DDX59: variants seen among roughly 807,000 people sequenced by gnomAD.
The protein encoded by DDX59 is probable ATP-dependent RNA helicase DDX59.
Under a neutral mutation model 51.9 loss-of-function variants are expected in DDX59, and 30 were observed. The observed-to-expected ratio is 0.58, with a 90% CI of 0.43 to 0.78. The LOEUF is 0.78. Among genes scored for constraint, DDX59 ranks in the 30% least tolerant of loss-of-function variants. DDX59 has a pLI of 0.00. For missense variants in DDX59, 672 were observed against 730.8 expected (o/e 0.92, Z 0.93); for synonymous variants, 255 against 253.3 (o/e 1.01, Z -0.06).
intron 3 of DDX59, among the ~76,000 whole-genome samples, chr1:200,660,034 C>T (rs923654589): frequency 6.6e-6 from 1 of 152,198 alleles, no homozygotes; most frequent in African/African-American, 2.4e-5. Flanking sequence ...ATACCAATCA[C>T]ATCTCCCCTG....
chr1:200,644,565 T>G, intron 7 of DDX59, 48 bp from the exon 8 acceptor site: 1 of 1,523,358 alleles, frequency 6.6e-7, no homozygotes, highest in Non-Finnish European at 8.8e-7. Flanking sequence ...TGTAAAATCT[T>G]AGTGTCTTTT....
In DDX59 at chr1:200,644,518, C is replaced by G. The variant is rs1274208128; in HGVS notation, c.1597-1G>C. ...GACCTAATCTTCCTACTCTTCCAAT[C>G]TGAAATAAAATGCAAAGAACATTTT... On this transcript the variant is annotated splice_acceptor_variant, in intron 7 of 7. Transcript: ENST00000331314. LOFTEE classifies it high-confidence loss of function. 1 of 1,559,918 alleles carries G rather than the reference C, an allele frequency of 6.4e-7. No homozygotes were observed. The highest frequency in any genetic ancestry group is 2.0e-5 in the Admixed American group (1 of 49,340).
chr1:200,669,895 T>TGCGGCGCGGA lies in DDX59; in HGVS notation c.-141_-140insTCCGCGCCGC. 1 of 122,296 alleles carries TGCGGCGCGGA rather than the reference T, an allele frequency of 8.2e-6. No homozygotes were observed. The highest frequency in any genetic ancestry group is 2.7e-4 in the South Asian group (1 of 3,644). The allele number at this position is 122,296 out of a possible 1,614,324, so 7.6% of individuals were successfully genotyped here. On this transcript the variant is annotated 5_prime_UTR_variant, in exon 1 of 8. Coordinates refer to ENST00000331314, the MANE Select transcript of DDX59 (RefSeq NM_001031725.6). ...CAGGACTGCGGCCCGGGGTTGGTGGTGCGGAGCGGAGCGGAGCGGAGCGTA... is the reference window on the plus strand; with the variant it reads ...CAGGACTGCGGCCCGGGGTTGGTGGTGCGGCGCGGAGCGGAGCGGAGCGGAGCGGAGCGTA...
In DDX59 at chr1:200,666,045, C is replaced by T. The variant is rs562456844; in HGVS notation, c.696G>A (p.Gln232=). The T allele has an allele frequency of 5.4e-5, 87 of 1,614,092 alleles. No individual in the cohort carries two copies. Among genetic ancestry groups the T allele is most frequent in the Non-Finnish European group, 6.9e-5 (82 of 1,180,048 alleles). The change falls in exon 2 of 8, where the codon CAG becomes CAA. Residue 232 remains glutamine (Q), a synonymous_variant. Transcript: ENST00000331314. ...GYEVPTPIQM[Q]MIPVGLLGRD... ...TTCCCAGAAGTCCCACAGGAATCAT[C>T]TGCATTTGAATGGGAGTTGGCACCT...
chr1:200,647,792 T>C (rs2809367), intron 7 of DDX59, among the ~76,000 whole-genome samples: 148,473 of 150,906 alleles, frequency 0.98, 73,079 homozygotes, highest in Middle Eastern at 1. Context: ...GCCAACATGG[T>C]GAAACCCCGT....
At chr1:200,668,598 T>C (rs1662943428) in intron 1 of DDX59, among the ~76,000 whole-genome samples, 2 of 152,182 alleles carry the variant, frequency 1.3e-5, no homozygotes, top group African/African-American at 2.4e-5. Flanking sequence ...CCCCAAAATA[T>C]ATTTCCTTGT....
chr1:200,649,653 C>T (rs1403498817), intron 5 of DDX59, among the ~76,000 whole-genome samples: 2 of 143,632 alleles, frequency 1.4e-5, no homozygotes, highest in Non-Finnish European at 3.0e-5. Flanking sequence ...ACACAAAACA[C>T]AAAATGAAAA....
intron 3 of DDX59, among the ~76,000 whole-genome samples, chr1:200,661,030 T>C (rs1034404755): frequency 6.6e-6 from 1 of 152,106 alleles, no homozygotes; most frequent in African/African-American, 2.4e-5. Flanking sequence ...TACTATCCTC[T>C]AGTAAAATAA....
Position 200,650,655 on chromosome 1 carries a change from C to T in DDX59, c.1084G>A (p.Gly362Ser), listed in dbSNP as rs1661602029. The change falls in exon 5 of 8, where the codon GGT becomes AGT. Residue 362 changes from glycine to serine, a missense_variant. Gly to Ser is a moderately conservative substitution (Grantham distance 56, BLOSUM62 0). Coordinates refer to ENST00000331314, the MANE Select transcript of DDX59 (RefSeq NM_001031725.6). Reference sequence around the variant, plus strand: ...ATGTCAAGCACTTGTTGTTGAAAACCCATCTTTAACATGGTATCAGCCTAA... The same window carrying T: ...ATGTCAAGCACTTGTTGTTGAAAACTCATCTTTAACATGGTATCAGCCTAA... ...VDEADTMLKM[G>S]FQQQVLDILE... 1 of 1,610,948 alleles carries T rather than the reference C, an allele frequency of 6.2e-7. No individual in the cohort carries two copies. The highest frequency in any genetic ancestry group is 8.5e-7 in the Non-Finnish European group (1 of 1,178,060).
chr1:200,654,416 A>AG (rs1253923127), intron 4 of DDX59: 1 of 151,494 alleles, frequency 6.6e-6, no homozygotes, highest in South Asian at 2.1e-4. Context: ...GAATTGCCTG[A>AG]GGGGAAAAAA....
chr1:200,659,271 A>C (rs919523842), intron 3 of DDX59, among the ~76,000 whole-genome samples, 155 bp from the exon 4 acceptor site: 1 of 152,246 alleles, frequency 6.6e-6, no homozygotes, highest in African/African-American at 2.4e-5. Flanking sequence ...TGCTCTCATG[A>C]AACTTGTAAT....
At chr1:200,642,146 G>C (rs1297022623), downstream of DDX59, among the ~76,000 whole-genome samples, 1 of 152,112 alleles carries the variant, frequency 6.6e-6, no homozygotes, top group African/African-American at 2.4e-5. Flanking sequence ...CCATATAAAA[G>C]ATGTTTGCTT....
At position 200,666,087 on chromosome 1, in the gene DDX59, C is replaced by T; in HGVS notation, c.654G>A (p.Leu218=). Residue 218 remains leucine, a synonymous_variant, in exon 2 of 8, where the codon TTG becomes TTA. Coordinates refer to ENST00000331314, the MANE Select transcript of DDX59 (RefSeq NM_001031725.6). ...TTGGCACCTCATAGCCTGATTTCTTCAAGTTGTGATTTAAGACCTCAGGGA... is the reference window on the plus strand; with the variant it reads ...TTGGCACCTCATAGCCTGATTTCTTTAAGTTGTGATTTAAGACCTCAGGGA... The part of the protein sequence containing the change: ...CSLPEVLNHN[L]KKSGYEVPTP... 6.2e-7 allele frequency: 1 copy of T among 1,614,174 alleles called. No individual in the cohort carries two copies. The highest frequency in any genetic ancestry group is 8.5e-7 in the Non-Finnish European group (1 of 1,180,034).
downstream of DDX59, among the ~76,000 whole-genome samples, chr1:200,642,944 A>G (rs552477747): frequency 5.6e-4 from 86 of 152,336 alleles, no homozygotes; most frequent in African/African-American, 1.9e-3. Context: ...AAGATCATGT[A>G]TGTACAGTGG....
intron 4 of DDX59, among the ~76,000 whole-genome samples, chr1:200,656,926 A>G (rs2102886900): frequency 6.6e-6 from 1 of 152,198 alleles, no homozygotes; most frequent in South Asian, 2.1e-4. Flanking sequence ...ATGAGGATGA[A>G]TGGAAACTAA....
chr1:200,649,787 T>C (rs1661535170), intron 5 of DDX59, among the ~76,000 whole-genome samples: 2 of 152,092 alleles, frequency 1.3e-5, no homozygotes, highest in African/African-American at 4.8e-5. Context: ...TTAAGTGCGA[T>C]TAATGTAGCT....
intron 7 of DDX59, among the ~76,000 whole-genome samples, chr1:200,644,985 G>T (rs1661210111): frequency 6.6e-6 from 1 of 150,680 alleles, no homozygotes; most frequent in African/African-American, 2.4e-5. Flanking sequence ...ATATATCTGT[G>T]AAATCAATTT....
At chr1:200,656,519 T>A (rs1662032104) in intron 4 of DDX59, among the ~76,000 whole-genome samples, 1 of 152,214 alleles carries the variant, frequency 6.6e-6, no homozygotes, top group Non-Finnish European at 1.5e-5. Context: ...ACCTAAATAA[T>A]ACTTCTGTAC....
At chr1:200,653,511 T>C (rs1389112130) in intron 4 of DDX59, among the ~76,000 whole-genome samples, 1 of 152,160 alleles carries the variant, frequency 6.6e-6, no homozygotes, top group Non-Finnish European at 1.5e-5. Context: ...CCATAACCAA[T>C]TCTCAAGCAA....
Sources: gnomAD v4.1 joint callset for allele counts (sites outside exome capture counted in the v4.1 genomes callset) on GRCh38, gnomAD v4.1.1 for gene constraint, MANE v1.5 for transcripts, NCBI Gene and HGNC (gene_info 2026-07-23, HGNC 2026-07-21) for gene names.